Variants in PTPRQ observed in about 807,000 individuals in gnomAD.
PTPRQ encodes the protein protein tyrosine phosphatase receptor type Q, also known as phosphatidylinositol phosphatase PTPRQ.
A neutral mutation model predicts 246.0 loss-of-function variants in PTPRQ; 199 were observed. The ratio of observed to expected loss-of-function variants is 0.81; its 90% confidence interval spans 0.72 to 0.91. The LOEUF (loss-of-function observed/expected upper bound fraction) is 0.91, where lower values mean the gene tolerates loss of function less well. PTPRQ is among the 40% of genes least tolerant of loss of function. The pLI, the probability that PTPRQ is intolerant of heterozygous loss-of-function variation, is 0.00. For synonymous variants in PTPRQ, 869 were observed against 853.2 expected, an observed-to-expected ratio of 1.02 and a Z score of -0.32; for missense variants, 2,624 against 2,528.4, an observed-to-expected ratio of 1.04 and a Z score of -0.81.
intron 3 of PTPRQ, among the ~76,000 whole-genome samples, chr12:80,455,897 C>G (rs950510254): frequency 3.3e-5 from 5 of 152,036 alleles, no homozygotes; most frequent in African/African-American, 7.3e-5. Flanking sequence ...CCGCGCCCAG[C>G]CGTCCTTTAC....
At chr12:80,673,580 T>A (rs1472174270) in intron 43 of PTPRQ, among the ~76,000 whole-genome samples, 15 of 152,158 alleles carry the variant, frequency 9.9e-5, no homozygotes, top group African/African-American at 3.6e-4. Flanking sequence ...AATTGATTTA[T>A]CTTTATCGTT....
At chr12:80,506,457 C>G in intron 15 of PTPRQ, 112 bp from the exon 16 acceptor site, 1 of 924,968 alleles carries the variant, frequency 1.1e-6, no homozygotes. Context: ...GACATTTTCA[C>G]TTAGTTTTTA....
At chr12:80,475,182 T>TA in intron 8 of PTPRQ, among the ~76,000 whole-genome samples, 1 of 152,240 alleles carries the variant, frequency 6.6e-6, no homozygotes, top group Non-Finnish European at 1.5e-5. Flanking sequence ...TAATAAATCA[T>TA]ATGCTATTGT....
intron 6 of PTPRQ, among the ~76,000 whole-genome samples, chr12:80,465,937 A>T (rs992473032): frequency 7.2e-5 from 11 of 152,142 alleles, no homozygotes; most frequent in Non-Finnish European, 1.6e-4. Flanking sequence ...TCCCTTTGAA[A>T]ACTGGCACAA....
chr12:80,662,762 T>C (rs1016974496), intron 39 of PTPRQ, among the ~76,000 whole-genome samples: 1 of 152,008 alleles, frequency 6.6e-6, no homozygotes, highest in African/African-American at 2.4e-5. Context: ...ATAATGAAAG[T>C]TGACCTGTGG....
chr12:80,520,808 C>T (rs1448689676), intron 17 of PTPRQ, among the ~76,000 whole-genome samples: 2 of 151,958 alleles, frequency 1.3e-5, no homozygotes, highest in African/African-American at 4.8e-5. Flanking sequence ...GTGAATAGTG[C>T]CACAATAAAC....
Position 80,481,142 on chromosome 12 carries a change from C to T in PTPRQ, c.1187-3291C>T, listed in dbSNP as rs574342581. 7.9e-5 allele frequency among the ~76,000 whole-genome samples: 12 copies of T among 152,194 alleles called. No individual in the cohort carries two copies. In the South Asian group the frequency reaches 1.7e-3, roughly 21 times the overall value. ...AATCCTCAGTAAAATACTGGCAAAA[C>T]GAATCCAGCAGCACATCAGAAAGCT... is the stretch of plus-strand genomic sequence containing the variant. On this transcript the variant is annotated intron_variant, in intron 8 of 44. Transcript: ENST00000644991.
At chr12:80,490,755 T>C (rs1328765076) in intron 9 of PTPRQ, among the ~76,000 whole-genome samples, 1 of 151,898 alleles carries the variant, frequency 6.6e-6, no homozygotes, top group Non-Finnish European at 1.5e-5. Flanking sequence ...AATTTTTAGG[T>C]GTTGCAATGG....
intron 25 of PTPRQ, among the ~76,000 whole-genome samples, chr12:80,552,039 G>A (rs752127754): frequency 5.9e-5 from 9 of 151,886 alleles, no homozygotes; most frequent in Non-Finnish European, 1.3e-4. Context: ...TGGCATTTCT[G>A]GACTTCATCC....
intron 33 of PTPRQ, among the ~76,000 whole-genome samples, chr12:80,631,334 C>T (rs1342663546): frequency 6.6e-6 from 1 of 152,044 alleles, no homozygotes; most frequent in Non-Finnish European, 1.5e-5. Flanking sequence ...AACAAACATT[C>T]ACATGTGGCC....
At chr12:80,662,748 G>C (rs1203593082) in intron 39 of PTPRQ, among the ~76,000 whole-genome samples, 3 of 151,956 alleles carry the variant, frequency 2.0e-5, no homozygotes, top group Non-Finnish European at 4.4e-5. Context: ...CATGGGTAAA[G>C]GTCATAATGA....
chr12:80,657,705 C>G (rs200721382), intron 38 of PTPRQ, among the ~76,000 whole-genome samples: 1 of 151,170 alleles, frequency 6.6e-6, no homozygotes, highest in East Asian at 1.9e-4. Context: ...ATGAAAAAAA[C>G]GATTTGCAGA....
At chr12:80,592,200 G>A (rs1166201767) in intron 26 of PTPRQ, among the ~76,000 whole-genome samples, 1 of 152,104 alleles carries the variant, frequency 6.6e-6, no homozygotes, top group Non-Finnish European at 1.5e-5. Flanking sequence ...TTTCAACTTC[G>A]TGATAACAAA....
Position 80,651,334 on chromosome 12 carries a change from A to G in PTPRQ, c.6025-1410A>G, listed in dbSNP as rs542425480. 3.3e-5 allele frequency among the ~76,000 whole-genome samples: 5 copies of G among 152,224 alleles called. No individual in the cohort carries two copies. The East Asian group carries it at 9.6e-4, about 29-fold the overall frequency. On this transcript the variant is annotated intron_variant, in intron 37 of 44. Coordinates refer to ENST00000644991, the MANE Select transcript of PTPRQ (RefSeq NM_001145026.2). ...TTACTGTATCTTGATGGAGATATGC[A>G]TGAAGATTGAGGATCAAATCTGTTT...
chr12:80,548,008 A>G, intron 24 of PTPRQ, among the ~76,000 whole-genome samples: 1 of 152,148 alleles, frequency 6.6e-6, no homozygotes, highest in East Asian at 1.9e-4. Flanking sequence ...GACTGCAGGA[A>G]ATGCATGTTG....
At chr12:80,545,849 T>G (rs1896288475) in intron 23 of PTPRQ, among the ~76,000 whole-genome samples, 1 of 150,842 alleles carries the variant, frequency 6.6e-6, no homozygotes, top group African/African-American at 2.4e-5. Flanking sequence ...TAAATAAATT[T>G]ACACAGGAAT....
intron 35 of PTPRQ, among the ~76,000 whole-genome samples, chr12:80,642,997 T>C (rs1162622707): frequency 1.3e-5 from 2 of 148,338 alleles, no homozygotes; most frequent in African/African-American, 5.0e-5. Flanking sequence ...CTGGGAATAG[T>C]GTGATGAGAA....
chr12:80,676,418 G>C (rs537196530), intron 43 of PTPRQ, among the ~76,000 whole-genome samples: 2 of 152,104 alleles, frequency 1.3e-5, no homozygotes, highest in Admixed American at 1.3e-4. Context: ...CAAGGTGGGC[G>C]GATCACCAGG....
At chr12:80,520,288 A>G (rs1895433496) in intron 17 of PTPRQ, among the ~76,000 whole-genome samples, 1 of 152,112 alleles carries the variant, frequency 6.6e-6, no homozygotes, top group Non-Finnish European at 1.5e-5. Flanking sequence ...ATAGTAGTGA[A>G]TAAGTCTCAT....
Sources: gnomAD v4.1 joint callset for allele counts (sites outside exome capture counted in the v4.1 genomes callset) on GRCh38, gnomAD v4.1.1 for gene constraint, MANE v1.5 for transcripts, NCBI Gene and HGNC (gene_info 2026-07-23, HGNC 2026-07-21) for gene names.